The following IGSF5 variants were observed in gnomAD, a reference collection of about 807,000 sequenced individuals.
The protein encoded by IGSF5 is immunoglobulin superfamily 5 like.
In IGSF5, 41 loss-of-function variants were observed where a neutral mutation model predicts 39.4. That is an observed-to-expected ratio of 1.04 (90% CI 0.81 to 1.35). IGSF5 has a LOEUF of 1.35. IGSF5 is among the 40% of genes most tolerant of loss of function. The probability of loss-of-function intolerance (pLI) is 0.00; values close to 1 mark genes in which losing one functional copy is unlikely to be tolerated. For synonymous variants in IGSF5, 183 were observed against 175.3 expected (o/e 1.04, Z -0.34); for missense variants, 487 against 494.6 (o/e 0.98, Z 0.15).
At chr21:39,724,149 A>G in the IGSF5 span, among the ~76,000 whole-genome samples, 2 of 152,110 alleles carry the variant, frequency 1.3e-5, no homozygotes, top group Admixed American at 6.5e-5. Flanking sequence ...TGTTTCTTCA[A>G]GTAATACAAT....
At chr21:39,790,962 G>A (rs937199255) in intron 6 of IGSF5, among the ~76,000 whole-genome samples, 4 of 152,352 alleles carry the variant, frequency 2.6e-5, no homozygotes, top group South Asian at 2.1e-4. Context: ...ATGGGAGGAT[G>A]TGTGTATGTT....
intron 2 of IGSF5, among the ~76,000 whole-genome samples, chr21:39,760,733 G>T (rs1389514773): frequency 2.0e-5 from 3 of 152,082 alleles, no homozygotes; most frequent in Non-Finnish European, 4.4e-5. Flanking sequence ...ACCACGCCCA[G>T]CTAATTTTTT....
At chr21:39,761,043 G>T (rs1311028617) in intron 2 of IGSF5, among the ~76,000 whole-genome samples, 1 of 152,030 alleles carries the variant, frequency 6.6e-6, no homozygotes, top group African/African-American at 2.4e-5. Flanking sequence ...GCATGACACT[G>T]GTACAAAAAC....
At chr21:39,756,463 C>A (rs746685139) in intron 2 of IGSF5, among the ~76,000 whole-genome samples, 1 of 152,150 alleles carries the variant, frequency 6.6e-6, no homozygotes, top group African/African-American at 2.4e-5. Context: ...GAGACTGGAG[C>A]CCTGGATGTG....
chr21:39,722,216 AG>A, the IGSF5 span, among the ~76,000 whole-genome samples: 1 of 152,216 alleles, frequency 6.6e-6, no homozygotes, highest in Non-Finnish European at 1.5e-5. Context: ...TACAAAAAAG[AG>A]ACAAAGGGAA....
chr21:39,757,312 AG>A (rs36012461), intron 2 of IGSF5, among the ~76,000 whole-genome samples: 107,203 of 151,692 alleles, frequency 0.71, 40,689 homozygotes, highest in Non-Finnish European at 0.84. Context: ...TGAGGGCAGG[AG>A]TTTTTTCTCA....
At chr21:39,749,577 G>A (rs1373331820) in intron 2 of IGSF5, among the ~76,000 whole-genome samples, 1 of 152,210 alleles carries the variant, frequency 6.6e-6, no homozygotes, top group Admixed American at 6.5e-5. Context: ...CACAGCCTCA[G>A]GAGGCCCTGA....
chr21:39,782,593 G>A (rs1446536803), intron 5 of IGSF5, among the ~76,000 whole-genome samples: 1 of 152,060 alleles, frequency 6.6e-6, no homozygotes, highest in Non-Finnish European at 1.5e-5. Flanking sequence ...TTATATAAGT[G>A]GAATCATGCA....
chr21:39,720,433 T>C, the IGSF5 span, among the ~76,000 whole-genome samples: 2 of 152,186 alleles, frequency 1.3e-5, no homozygotes, highest in African/African-American at 4.8e-5. Context: ...ACCCCTGGAA[T>C]AGAAGGTTCC....
Position 39,775,457 on chromosome 21 carries a change from C to T in IGSF5, c.719-3633C>T, listed in dbSNP as rs570240016. Among the ~76,000 whole-genome samples the T allele has an allele frequency of 1.6e-4, 25 of 152,294 alleles. No homozygotes were observed. In the South Asian group the frequency reaches 2.9e-3, roughly 18 times the overall value. On this transcript the variant is annotated intron_variant, in intron 4 of 8. Transcript: ENST00000380588. ...ATTTGGTATTAATATGTACTTGGCACGTGTTGGTGGTGACATTTTATATTA... is the reference window on the plus strand; with the variant it reads ...ATTTGGTATTAATATGTACTTGGCATGTGTTGGTGGTGACATTTTATATTA...
intron 3 of IGSF5, 87 bp from the exon 4 acceptor site, chr21:39,770,829 T>A: frequency 9.5e-7 from 1 of 1,048,732 alleles, no homozygotes; most frequent in Non-Finnish European, 1.3e-6. Context: ...GAAGCAAAAC[T>A]TAAAAAAAAA....
chr21:39,797,218 C>CTTTT (rs11385437), intron 8 of IGSF5, among the ~76,000 whole-genome samples: 13 of 123,796 alleles, frequency 1.1e-4, no homozygotes, highest in African/African-American at 3.4e-4. Context: ...AGCTCCTTTG[C>CTTTT]TTTTTTTTTT....
At chr21:39,771,314 A>C in intron 4 of IGSF5, 99 bp downstream of exon 4, 1 of 1,173,110 alleles carries the variant, frequency 8.5e-7, no homozygotes, top group South Asian at 2.2e-5. Context: ...GAAAAATCAT[A>C]TGGCGACCTT....
chr21:39,783,506 T>C (rs2080181938), intron 5 of IGSF5, among the ~76,000 whole-genome samples: 1 of 152,236 alleles, frequency 6.6e-6, no homozygotes, highest in South Asian at 2.1e-4. Context: ...ACCATTTACA[T>C]GTCTAAGAAG....
intron 3 of IGSF5, among the ~76,000 whole-genome samples, chr21:39,766,640 G>T (rs1052234821): frequency 6.6e-6 from 1 of 152,100 alleles, no homozygotes; most frequent in Admixed American, 6.6e-5. Flanking sequence ...TCATTTTAGA[G>T]GTAATTTGGA....
chr21:39,781,207 C>CCTT (rs3068556), intron 5 of IGSF5, among the ~76,000 whole-genome samples: 120,226 of 151,892 alleles, frequency 0.79, 47,720 homozygotes, highest in Admixed American at 0.84. Flanking sequence ...ATATTCTCTT[C>CCTT]CTTACATGAA....
intron 2 of IGSF5, among the ~76,000 whole-genome samples, chr21:39,762,958 T>C (rs2080068551): frequency 6.6e-6 from 1 of 152,120 alleles, no homozygotes; most frequent in Non-Finnish European, 1.5e-5. Context: ...CCCATCTGGC[T>C]GTTTGCTCTA....
At chr21:39,783,017 C>T (rs1253803480) in intron 5 of IGSF5, among the ~76,000 whole-genome samples, 1 of 152,154 alleles carries the variant, frequency 6.6e-6, no homozygotes. Context: ...TTTCACTTAA[C>T]ACAATGCCCT....
At position 39,779,210 on chromosome 21, in the gene IGSF5, C is replaced by T. The variant is rs749337072; in HGVS notation, c.839C>T (p.Thr280Met). 38 of 1,613,984 alleles carry T rather than the reference C, an allele frequency of 2.4e-5. No homozygotes were observed. The highest frequency in any genetic ancestry group is 4.5e-5 in the East Asian group (2 of 44,880). Residue 280 changes from threonine (T) to methionine (M), a missense_variant, in exon 5 of 9, where the codon ACG (threonine) becomes ATG (methionine). Physicochemically the swap from Thr to Met is moderately conservative, Grantham distance 81 (BLOSUM62 -1). Coordinates refer to ENST00000380588, the MANE Select transcript of IGSF5 (RefSeq NM_001080444.2). Reference sequence around the variant, plus strand: ...GCAGGCACCATGCTTCTGACGCCGACGTGTACTCTTACAATACGCTGCTGC... The same window carrying T: ...GCAGGCACCATGCTTCTGACGCCGATGTGTACTCTTACAATACGCTGCTGC... ...GLAGTMLLTP[T>M]CTLTIRCCCC...
Sources: allele counts gnomAD v4.1 joint callset (sites outside exome capture counted in the v4.1 genomes callset), GRCh38; gene constraint gnomAD v4.1.1; transcripts MANE v1.5; gene names NCBI Gene and HGNC (gene_info 2026-07-23, HGNC 2026-07-21).